The following ARHGEF28 variants were observed in gnomAD, a reference collection of about 807,000 sequenced individuals.
ARHGEF28 encodes the protein Rho guanine nucleotide exchange factor 28.
ARHGEF28 carries 152 observed loss-of-function variants against 206.6 expected under a neutral mutation model. The ratio of observed to expected loss-of-function variants is 0.74; its 90% confidence interval spans 0.64 to 0.84. The LOEUF (loss-of-function observed/expected upper bound fraction) is 0.84, where lower values mean the gene tolerates loss of function less well. Ranked by LOEUF, ARHGEF28 falls within the 40% of genes least tolerant of loss-of-function variation. ARHGEF28 has a pLI of 0.00. For missense variants in ARHGEF28, 2,028 were observed against 2,073.2 expected (o/e 0.98, Z 0.42); for synonymous variants, 763 against 776.4 (o/e 0.98, Z 0.29).
At chr5:73,801,773 A>G (rs980402461) in intron 9 of ARHGEF28, among the ~76,000 whole-genome samples, 3 of 152,198 alleles carry the variant, frequency 2.0e-5, no homozygotes, top group African/African-American at 4.8e-5. Flanking sequence ...ACCACAAACT[A>G]AAGCTTCCCA....
At chr5:73,630,698 C>T (rs550618979) in intron 1 of ARHGEF28, among the ~76,000 whole-genome samples, 2 of 152,266 alleles carry the variant, frequency 1.3e-5, no homozygotes, top group Admixed American at 1.3e-4. Flanking sequence ...AATATTCCTA[C>T]TGGAACCCTA....
chr5:73,910,663 C>T (rs1762849424), intron 34 of ARHGEF28, among the ~76,000 whole-genome samples: 1 of 152,128 alleles, frequency 6.6e-6, no homozygotes, highest in Admixed American at 6.5e-5. Context: ...CTGAATTTAG[C>T]AAGTATAGTA....
At position 73,700,969 on chromosome 5, in the gene ARHGEF28, C is replaced by T. The variant is rs1748563007; in HGVS notation, c.33+16085C>T. 2.0e-5 allele frequency among the ~76,000 whole-genome samples: 3 copies of T among 152,174 alleles called. No individual in the cohort carries two copies. The South Asian group carries it at 6.2e-4, about 32-fold the overall frequency. On this transcript the variant is annotated intron_variant, in intron 2 of 35. Transcript: ENST00000513042. ...TTTTCAGTGGGAAGTCCAAGATTGG[C>T]TTTCATAATAATGCAGTTCTCTGTT...
intron 29 of ARHGEF28, 76 bp downstream of exon 29, chr5:73,894,651 T>G (rs1761853794): frequency 1.3e-6 from 2 of 1,506,060 alleles, no homozygotes. Flanking sequence ...TGCCATGCAC[T>G]GTGGTCTTGG....
At chr5:73,764,974 T>G (rs781499941) in intron 4 of ARHGEF28, among the ~76,000 whole-genome samples, 4 of 152,222 alleles carry the variant, frequency 2.6e-5, no homozygotes, top group Non-Finnish European at 5.9e-5. Flanking sequence ...TCTTCTACTC[T>G]CTATGTAAAT....
chr5:73,867,337 C>G (rs1229776114), intron 18 of ARHGEF28, among the ~76,000 whole-genome samples: 2 of 152,148 alleles, frequency 1.3e-5, no homozygotes, highest in Non-Finnish European at 2.9e-5. Flanking sequence ...CAGAAAAACA[C>G]AGAAGCCCTA....
At position 73,885,490 on chromosome 5, in the gene ARHGEF28, T is replaced by C. The variant is rs1033758379; in HGVS notation, c.3056-360T>C. Among the ~76,000 whole-genome samples, 25 of 127,426 alleles carry C rather than the reference T, an allele frequency of 2.0e-4. 1 individual carries two copies. In the East Asian group the frequency reaches 4.1e-3, roughly 21 times the overall value. The allele number at this position is 127,426 out of a possible 152,430, so 83.6% of individuals were successfully genotyped here. ...TAGGATTTAATTTTTTTTTTTTTTT[T>C]CTTCGAGACAGAGTCTCACTCTGTC... On this transcript the variant is annotated intron_variant, in intron 24 of 35. Coordinates refer to ENST00000513042, the MANE Select transcript of ARHGEF28 (RefSeq NM_001177693.2).
chr5:73,840,448 T>G, intron 10 of ARHGEF28, 32 bp from the exon 11 acceptor site: 1 of 1,601,316 alleles, frequency 6.2e-7, no homozygotes, highest in East Asian at 2.2e-5. Context: ...TACCTGCTTT[T>G]ACTCAGGAAA....
intron 2 of ARHGEF28, among the ~76,000 whole-genome samples, chr5:73,732,599 T>A (rs1207605631): frequency 6.6e-6 from 1 of 152,202 alleles, no homozygotes; most frequent in Non-Finnish European, 1.5e-5. Context: ...TATTGAGGGT[T>A]ATTCTACTAT....
intron 2 of ARHGEF28, among the ~76,000 whole-genome samples, chr5:73,691,145 G>T (rs909476605): frequency 6.6e-6 from 1 of 152,064 alleles, no homozygotes; most frequent in African/African-American, 2.4e-5. Context: ...GCCCAGGCTG[G>T]TCTCAAACTT....
chr5:73,879,844 T>A (rs996264116), intron 22 of ARHGEF28, among the ~76,000 whole-genome samples: 3 of 151,884 alleles, frequency 2.0e-5, no homozygotes, highest in African/African-American at 7.3e-5. Flanking sequence ...TACTGGGGGG[T>A]GCCTCCCAGT....
At chr5:73,741,381 GTGTGTATATATATATA>G (rs1751402072) in intron 2 of ARHGEF28, among the ~76,000 whole-genome samples, 9 of 26,694 alleles carry the variant, frequency 3.4e-4, no homozygotes, top group Admixed American at 1.0e-3. Context: ...GTGTGTGTGT[GTGTGTATATATATATA>G]TATATATATA....
intron 35 of ARHGEF28, among the ~76,000 whole-genome samples, chr5:73,924,170 T>C (rs1458380107): frequency 1.3e-5 from 2 of 152,184 alleles, no homozygotes; most frequent in African/African-American, 2.4e-5. Context: ...TGTACATTTA[T>C]TGATACTTCA....
intron 2 of ARHGEF28, among the ~76,000 whole-genome samples, chr5:73,737,249 T>C (rs1257524140): frequency 6.6e-6 from 1 of 152,140 alleles, no homozygotes; most frequent in African/African-American, 2.4e-5. Context: ...TTGCCATTCC[T>C]GGTGGGGTGA....
At chr5:73,862,515 G>T (rs892992409) in intron 16 of ARHGEF28, among the ~76,000 whole-genome samples, 2 of 151,968 alleles carry the variant, frequency 1.3e-5, no homozygotes, top group African/African-American at 4.8e-5. Flanking sequence ...TCTTTTCCTT[G>T]ATGTCTAGTT....
At chr5:73,818,995 G>A (rs936014309) in intron 9 of ARHGEF28, among the ~76,000 whole-genome samples, 2 of 152,152 alleles carry the variant, frequency 1.3e-5, no homozygotes, top group African/African-American at 2.4e-5. Flanking sequence ...AAAAATTACT[G>A]TCAAAGTTCA....
intron 2 of ARHGEF28, among the ~76,000 whole-genome samples, chr5:73,712,677 A>C (rs1293717075): frequency 6.6e-6 from 1 of 152,250 alleles, no homozygotes; most frequent in Admixed American, 6.5e-5. Context: ...CACAAAGTTC[A>C]GTGAACTTTT....
intron 4 of ARHGEF28, among the ~76,000 whole-genome samples, chr5:73,754,804 C>T (rs1042978667): frequency 2.9e-4 from 44 of 152,134 alleles, no homozygotes; most frequent in Admixed American, 2.8e-3. Flanking sequence ...TCATGTGATC[C>T]TACTGCCTCA....
intron 1 of ARHGEF28, among the ~76,000 whole-genome samples, chr5:73,671,152 A>C (rs1746278517): frequency 6.6e-6 from 1 of 152,194 alleles, no homozygotes; most frequent in African/African-American, 2.4e-5. Context: ...CTCATGGCTT[A>C]ATTAATGTTG....
Sources: allele counts gnomAD v4.1 joint callset (sites outside exome capture counted in the v4.1 genomes callset), GRCh38; gene constraint gnomAD v4.1.1; transcripts MANE v1.5; gene names NCBI Gene and HGNC (gene_info 2026-07-23, HGNC 2026-07-21).